UFC1: variants seen among roughly 807,000 people sequenced by gnomAD.
UFC1 encodes the protein ubiquitin-fold modifier conjugating enzyme 1.
A neutral mutation model predicts 28.0 loss-of-function variants in UFC1; 22 were observed. The ratio of observed to expected loss-of-function variants is 0.78; its 90% CI spans 0.56 to 1.12. The LOEUF (loss-of-function observed/expected upper bound fraction) is 1.12. UFC1 is among the 50% of genes most tolerant of loss of function. The probability of loss-of-function intolerance (pLI) is 0.00; values close to 1 mark genes in which losing one functional copy is unlikely to be tolerated. For synonymous variants in UFC1, 61 were observed against 74.5 expected, an observed-to-expected ratio of 0.82 and a Z score of 0.93; for missense variants, 189 against 207.8, an observed-to-expected ratio of 0.91 and a Z score of 0.56.
Position 161,154,062 on chromosome 1 carries a change from C to T in UFC1, c.65C>T (p.Pro22Leu), listed in dbSNP as rs758943131. The T allele has an allele frequency of 3.1e-6, 5 of 1,613,648 alleles. No individual in the cohort carries two copies. The highest frequency in any genetic ancestry group is 3.4e-6 in the Non-Finnish European group (4 of 1,179,928). Residue 22 changes from proline (P) to leucine (L), a missense_variant, in exon 1 of 6, where the codon CCC becomes CTC. Coordinates refer to ENST00000368003, the MANE Select transcript of UFC1 (RefSeq NM_016406.4). Reference sequence around the variant, plus strand: ...CCGGTGCTGAAGACTAACGCCGGACCCCGAGATCGTGAGTTGTGGGTGCAG... The same window carrying T: ...CCGGTGCTGAAGACTAACGCCGGACTCCGAGATCGTGAGTTGTGGGTGCAG... Reference protein sequence around the residue: ...EIPVLKTNAGPRDRELWVQRL... With the variant: ...EIPVLKTNAGLRDRELWVQRL...
In UFC1 at chr1:161,154,104, A is replaced by G. The variant is rs1314914793; in HGVS notation, c.107A>G (p.Tyr36Cys). ...TGGGTGCAGCGACTGAAGGAGGAAT[A>G]TCAGTCCCTTATCCGGGTTAGTTGT... ...ELWVQRLKEE[Y>C]QSLIRYVENN... The change falls in exon 1 of 6, where the codon TAT becomes TGT. Residue 36 changes from tyrosine (Y) to cysteine (C), a missense_variant. Tyr to Cys is a radical substitution (Grantham distance 194). Coordinates refer to ENST00000368003, the MANE Select transcript of UFC1 (RefSeq NM_016406.4). 1 of 1,613,996 alleles carries G rather than the reference A, an allele frequency of 6.2e-7. No individual in the cohort carries two copies. Among genetic ancestry groups the G allele is most frequent in the Non-Finnish European group, 8.5e-7 (1 of 1,180,014 alleles).
chr1:161,158,568 C>G lies in UFC1; in HGVS notation c.*76C>G, dbSNP rs936998161. 1.3e-6 allele frequency: 2 copies of G among 1,491,606 alleles called. No individual in the cohort carries two copies. Among genetic ancestry groups the G allele is most frequent in the Non-Finnish European group, 1.9e-6 (2 of 1,072,164 alleles). The allele number at this position is 1,491,606 out of a possible 1,614,324, so 92.4% of individuals were successfully genotyped here. ...CTATTTTCCTGTGCATCACACTTAA[C>G]TCATCTAACTGCTTCCCCGGACACC... On this transcript the variant is annotated 3_prime_UTR_variant, in exon 6 of 6. Coordinates refer to ENST00000368003, the MANE Select transcript of UFC1 (RefSeq NM_016406.4).
chr1:161,157,089 C>T, intron 2 of UFC1, 72 bp downstream of exon 2: 1 of 1,532,640 alleles, frequency 6.5e-7, no homozygotes, highest in Non-Finnish European at 9.0e-7. Flanking sequence ...TCCTAGCGCC[C>T]ACTACCAAAG....
intron 1 of UFC1, among the ~76,000 whole-genome samples, chr1:161,154,469 C>T (rs2101788335): frequency 6.6e-6 from 1 of 152,066 alleles, no homozygotes; most frequent in South Asian, 2.1e-4. Flanking sequence ...ATCTCTCTGC[C>T]CCCTTCTTCA....
At chr1:161,154,693 C>T (rs1312555855) in intron 1 of UFC1, among the ~76,000 whole-genome samples, 1 of 152,106 alleles carries the variant, frequency 6.6e-6, no homozygotes, top group East Asian at 1.9e-4. Flanking sequence ...CCGTGTTGGC[C>T]AGGATGGTCT....
chr1:161,154,014 C>A lies in UFC1; in HGVS notation c.17C>A (p.Thr6Lys). Residue 6 changes from threonine (T) to lysine (K), a missense_variant, in exon 1 of 6, where the codon ACG becomes AAG. Thr to Lys is a moderately conservative substitution (Grantham distance 78). Transcript: ENST00000368003. The part of the protein sequence containing the change: MADEA[T>K]RRVVSEIPVL... ...TGGTCCAAGATGGCGGATGAAGCCACGCGACGTGTTGTGTCTGAGATCCCG... is the reference window on the plus strand; with the variant it reads ...TGGTCCAAGATGGCGGATGAAGCCAAGCGACGTGTTGTGTCTGAGATCCCG... The A allele has an allele frequency of 6.2e-7, 1 of 1,614,104 alleles. No homozygotes were observed.
At chr1:161,158,053 C>T in intron 4 of UFC1, 68 bp from the exon 5 acceptor site, 1 of 1,354,870 alleles carries the variant, frequency 7.4e-7, no homozygotes, top group Non-Finnish European at 1.1e-6. Context: ...CTTCCTATGC[C>T]CCCAAGAGGC....
At chr1:161,157,228 G>T (rs756569237) in intron 2 of UFC1, 26 bp from the exon 3 acceptor site, 4 of 1,614,092 alleles carry the variant, frequency 2.5e-6, no homozygotes, top group Non-Finnish European at 2.5e-6. Context: ...TAGGCAAATT[G>T]GACTGAGGTT....
intron 4 of UFC1, 39 bp downstream of exon 4, chr1:161,157,732 C>G (rs1411203879): frequency 1.9e-6 from 3 of 1,574,346 alleles, no homozygotes; most frequent in Middle Eastern, 3.3e-4. Flanking sequence ...TCAAAGAAAG[C>G]CTTAAGGAAG....
Position 161,157,243 on chromosome 1 carries a change from CT to C in UFC1, c.192-8del. On this transcript the variant is annotated splice_polypyrimidine_tract_variant and intron_variant, in intron 2 of 5. Transcript: ENST00000368003. ...TAGGCAAATTGGACTGAGGTTTGGT[CT>C]TTGTTACAGGTGGTTTGGAAAATGC... 6.2e-7 allele frequency: 1 copy of C among 1,614,198 alleles called. No homozygotes were observed. Among genetic ancestry groups the C allele is most frequent in the South Asian group, 1.1e-5 (1 of 91,078 alleles).
intron 3 of UFC1, 123 bp from the exon 4 acceptor site, chr1:161,157,494 A>G: frequency 8.2e-7 from 1 of 1,226,806 alleles, no homozygotes; most frequent in Non-Finnish European, 1.2e-6. Flanking sequence ...GAATCCTGGT[A>G]TGGATGTGCT....
At position 161,158,845 on chromosome 1, in the gene UFC1, C is replaced by T. The variant is rs1404357669; in HGVS notation, c.*353C>T. On this transcript the variant is annotated 3_prime_UTR_variant, in exon 6 of 6. Transcript: ENST00000368003. ...GGAGATAACCCATCAATAAAAGCTGCTTCCTCTGGTAGCCTGTGGTTCTCA... is the reference window on the plus strand; with the variant it reads ...GGAGATAACCCATCAATAAAAGCTGTTTCCTCTGGTAGCCTGTGGTTCTCA... The T allele has an allele frequency of 1.2e-5, 3 of 256,718 alleles. No individual in the cohort carries two copies. The highest frequency in any genetic ancestry group is 4.6e-5 in the Admixed American group (1 of 21,704). 15.9% of individuals were successfully genotyped at this position (256,718 alleles called of 1,614,324 possible).
In UFC1 at chr1:161,154,070, C is replaced by T. The variant is rs747070410; in HGVS notation, c.73C>T (p.Arg25Cys). The T allele has an allele frequency of 1.7e-5, 27 of 1,614,038 alleles. No homozygotes were observed. The South Asian group carries it at 2.6e-4, about 16-fold the overall frequency. The change falls in exon 1 of 6, where the codon CGT becomes TGT. Residue 25 changes from arginine to cysteine, a missense_variant. By Grantham distance (180) the Arg-to-Cys change is radical. Transcript: ENST00000368003. Reference protein sequence around the residue: ...VLKTNAGPRDRELWVQRLKEE... With the variant: ...VLKTNAGPRDCELWVQRLKEE... ...GAAGACTAACGCCGGACCCCGAGAT[C>T]GTGAGTTGTGGGTGCAGCGACTGAA...
In UFC1 at chr1:161,157,577, A is replaced by G. The variant is rs750636632; in HGVS notation, c.256-40A>G. 6 of 1,574,088 alleles carry G rather than the reference A, an allele frequency of 3.8e-6. No homozygotes were observed. The South Asian group carries it at 6.7e-5, about 18-fold the overall frequency. ...TGTCTGATTATATTAGTTCCTTTCT[A>G]TCCTGATTCTGTTTTATTAAGGTTT... is the stretch of plus-strand genomic sequence containing the variant. On this transcript the variant is annotated intron_variant, in intron 3 of 5. Transcript: ENST00000368003.
rs1657600563 is a variant in UFC1 at position 161,158,132 on chromosome 1, T to C, written c.344T>C (p.Ile115Thr). 8 of 1,614,156 alleles carry C rather than the reference T, an allele frequency of 5.0e-6. No individual in the cohort carries two copies. Among genetic ancestry groups the C allele is most frequent in the Non-Finnish European group, 6.8e-6 (8 of 1,180,022 alleles). ...TGTCCCTCTCATAGGGGTGGCAAAA[T>C]ATGCCTGACGGATCATTTCAAACCT... ...KTAKMYRGGKICLTDHFKPLW... is the reference protein window; with the variant it reads ...KTAKMYRGGKTCLTDHFKPLW... Residue 115 changes from isoleucine (I) to threonine (T), a missense_variant, in exon 5 of 6, where the codon ATA becomes ACA. Transcript: ENST00000368003.
rs773028158 is a variant in UFC1 at position 161,154,028 on chromosome 1, T to A, written c.31T>A (p.Ser11Thr). The A allele has an allele frequency of 5.6e-6, 9 of 1,614,122 alleles. No individual in the cohort carries two copies. Among genetic ancestry groups the A allele is most frequent in the Non-Finnish European group, 7.6e-6 (9 of 1,180,032 alleles). MADEATRRVV[S>T]EIPVLKTNAG... is the part of the protein sequence containing the mutation. The stretch of plus-strand genomic sequence containing the variant: ...GGATGAAGCCACGCGACGTGTTGTG[T>A]CTGAGATCCCGGTGCTGAAGACTAA... Residue 11 changes from serine to threonine, a missense_variant, in exon 1 of 6, where the codon TCT becomes ACT. Physicochemically the swap from Ser to Thr is moderately conservative, Grantham distance 58. Transcript: ENST00000368003.
chr1:161,157,350 A>G (rs1657546392), intron 3 of UFC1, 33 bp downstream of exon 3: 1 of 1,612,310 alleles, frequency 6.2e-7, no homozygotes. Flanking sequence ...TATGAAGGTT[A>G]GTAGAAGGGG....
Position 161,158,213 on chromosome 1 carries a change from T to A in UFC1, c.423+2T>A. The A allele has an allele frequency of 1.2e-6, 2 of 1,613,728 alleles. No homozygotes were observed. Among genetic ancestry groups the A allele is most frequent in the Non-Finnish European group, 1.7e-6 (2 of 1,179,896 alleles). On this transcript the variant is annotated splice_donor_variant, in intron 5 of 5. Transcript: ENST00000368003. LOFTEE classifies it high-confidence loss of function. The stretch of plus-strand genomic sequence containing the variant: ...CTAGCTCATCTCATGGCTCTGGGGG[T>A]AAGTTTTGTGTATTTGGCATAAAAG...
At chr1:161,156,855 A>T in intron 1 of UFC1, 95 bp from the exon 2 acceptor site, 1 of 1,147,768 alleles carries the variant, frequency 8.7e-7, no homozygotes, top group Non-Finnish European at 1.3e-6. Flanking sequence ...TAAAAATAAA[A>T]AATAAAAAAA....
Sources: allele counts gnomAD v4.1 joint callset (sites outside exome capture counted in the v4.1 genomes callset), GRCh38; gene constraint gnomAD v4.1.1; transcripts MANE v1.5; gene names NCBI Gene and HGNC (gene_info 2026-07-23, HGNC 2026-07-21).